PPM1L: variants seen among roughly 807,000 people sequenced by gnomAD.
PPM1L encodes the protein protein phosphatase, Mg2+/Mn2+ dependent 1L.
Under a neutral mutation model 31.4 loss-of-function variants are expected in PPM1L, and 13 were observed. The ratio of observed to expected loss-of-function variants is 0.41; its 90% CI spans 0.27 to 0.66. The LOEUF is 0.66. PPM1L is among the 30% of genes least tolerant of loss of function. The pLI is 0.29. For missense variants in PPM1L, 326 were observed against 453.7 expected (o/e 0.72, Z 2.56); for synonymous variants, 184 against 175.4 (o/e 1.05, Z -0.39).
At chr3:160,965,113 T>C (rs971949952) in intron 2 of PPM1L, among the ~76,000 whole-genome samples, 13 of 151,204 alleles carry the variant, frequency 8.6e-5, no homozygotes, top group African/African-American at 3.2e-4. Context: ...TAGCCGGGCG[T>C]GGTGGTGGGC....
At chr3:160,785,549 G>A (rs1224692928) in intron 1 of PPM1L, among the ~76,000 whole-genome samples, 1 of 152,048 alleles carries the variant, frequency 6.6e-6, no homozygotes, top group African/African-American at 2.4e-5. Flanking sequence ...TGCATCTTTT[G>A]AGCAATATTT....
Position 161,069,512 on chromosome 3 carries a change from G to A in PPM1L, c.*355G>A, listed in dbSNP as rs547695547. 1 of 258,690 alleles carries A rather than the reference G, an allele frequency of 3.9e-6. No homozygotes were observed. Among genetic ancestry groups the A allele is most frequent in the Non-Finnish European group, 7.5e-6 (1 of 133,154 alleles). 16.0% of individuals were successfully genotyped at this position (258,690 alleles called of 1,614,324 possible). Reference sequence around the variant, plus strand: ...GTTCAGGGTCCTCCAGGCATCAGCTGTTGTGTCCTCTCTTTGTAACAGTGG... The same window carrying A: ...GTTCAGGGTCCTCCAGGCATCAGCTATTGTGTCCTCTCTTTGTAACAGTGG... On this transcript the variant is annotated 3_prime_UTR_variant, in exon 4 of 4. Transcript: ENST00000498165.
At chr3:160,867,440 C>G (rs894470533) in intron 1 of PPM1L, among the ~76,000 whole-genome samples, 9 of 150,512 alleles carry the variant, frequency 6.0e-5, no homozygotes, top group African/African-American at 1.7e-4. Flanking sequence ...GGTTCTCTAA[C>G]CCCCTCCTCT....
At chr3:160,981,276 A>G (rs1053518974) in intron 2 of PPM1L, among the ~76,000 whole-genome samples, 10 of 152,204 alleles carry the variant, frequency 6.6e-5, no homozygotes, top group Non-Finnish European at 1.3e-4. Flanking sequence ...TCTCTCATGT[A>G]GTTGCATTCA....
At chr3:161,056,632 T>C (rs1043425839) in intron 2 of PPM1L, among the ~76,000 whole-genome samples, 1 of 152,104 alleles carries the variant, frequency 6.6e-6, no homozygotes, top group Non-Finnish European at 1.5e-5. Flanking sequence ...TATATTTGCA[T>C]AGTATAAGGG....
chr3:160,867,488 A>G (rs747113047), intron 1 of PPM1L, among the ~76,000 whole-genome samples: 8 of 152,028 alleles, frequency 5.3e-5, no homozygotes, highest in Non-Finnish European at 5.9e-5. Context: ...ATTAGTTATA[A>G]GTAACTTTAC....
At chr3:160,821,783 T>G (rs1713209323) in intron 1 of PPM1L, among the ~76,000 whole-genome samples, 1 of 152,044 alleles carries the variant, frequency 6.6e-6, no homozygotes, top group Non-Finnish European at 1.5e-5. Context: ...ATCCCATTAT[T>G]TTCTAGTAGA....
intron 1 of PPM1L, among the ~76,000 whole-genome samples, chr3:160,924,232 T>C (rs1198780162): frequency 7.1e-6 from 1 of 141,622 alleles, no homozygotes; most frequent in African/African-American, 2.5e-5. Flanking sequence ...AGCTTGGCTA[T>C]GGGCTGTGAG....
At chr3:160,933,965 T>C (rs1714875292) in intron 1 of PPM1L, among the ~76,000 whole-genome samples, 1 of 152,250 alleles carries the variant, frequency 6.6e-6, no homozygotes, top group Non-Finnish European at 1.5e-5. Context: ...AATTACCATA[T>C]GTCATTAATC....
At chr3:161,018,641 T>C (rs1450407436) in intron 2 of PPM1L, among the ~76,000 whole-genome samples, 2 of 152,184 alleles carry the variant, frequency 1.3e-5, no homozygotes, top group Non-Finnish European at 1.5e-5. Context: ...AGTATAAATA[T>C]TTATTATACA....
Position 160,756,752 on chromosome 3 carries a change from C to CTGTGT in PPM1L, c.399+45_399+46insTGTGT, listed in dbSNP as rs149868982. 1 of 1,015,434 alleles carries CTGTGT rather than the reference C, an allele frequency of 9.8e-7. No homozygotes were observed. The highest frequency in any genetic ancestry group is 1.4e-6 in the Non-Finnish European group (1 of 700,084). 62.9% of individuals were successfully genotyped at this position (1,015,434 alleles called of 1,614,324 possible). On this transcript the variant is annotated intron_variant, in intron 1 of 3. Transcript: ENST00000498165. The surrounding 1 kb of genome is among the most constrained non-coding windows in gnomAD (Gnocchi z 6.2). ...TTTGTATTTGTGTCCGTGTATGTCTCGTGTGTGTGTGTGTGTGTGTGTGTG... is the reference window on the plus strand; with the variant it reads ...TTTGTATTTGTGTCCGTGTATGTCTCTGTGTGTGTGTGTGTGTGTGTGTGTGTGTG...
At chr3:161,002,194 T>G (rs1469301754) in intron 2 of PPM1L, among the ~76,000 whole-genome samples, 4 of 152,230 alleles carry the variant, frequency 2.6e-5, no homozygotes, top group African/African-American at 9.6e-5. Context: ...CGCATAGTAT[T>G]CCATGGTGTA....
intron 1 of PPM1L, among the ~76,000 whole-genome samples, chr3:160,843,302 C>T (rs1198321651): frequency 2.0e-5 from 3 of 150,804 alleles, no homozygotes; most frequent in African/African-American, 4.9e-5. Flanking sequence ...TTAGAGCACG[C>T]CTGTCCAACC....
At chr3:160,972,149 C>A (rs893152015) in intron 2 of PPM1L, among the ~76,000 whole-genome samples, 2 of 152,136 alleles carry the variant, frequency 1.3e-5, no homozygotes, top group African/African-American at 4.8e-5. Context: ...ATCAGCATTG[C>A]CTGTTTGCTT....
At chr3:161,064,185 TAA>T (rs772222080) in intron 2 of PPM1L, among the ~76,000 whole-genome samples, 9 of 125,576 alleles carry the variant, frequency 7.2e-5, no homozygotes, top group Non-Finnish European at 8.7e-5. Context: ...AAAGTAAAAT[TAA>T]AAAAAAAAAA....
Position 160,826,873 on chromosome 3 carries a change from T to C in PPM1L, c.399+70166T>C, listed in dbSNP as rs145407860. ...CAGCTATAAATAGAGATCAGCTAAT[T>C]TGATGAAGAGGCTGTAGGTCTGCAG... On this transcript the variant is annotated intron_variant, in intron 1 of 3. Transcript: ENST00000498165. 2.2e-4 allele frequency among the ~76,000 whole-genome samples: 33 copies of C among 152,212 alleles called. No individual in the cohort carries two copies. The East Asian group carries it at 5.2e-3, about 24-fold the overall frequency.
Position 160,904,578 on chromosome 3 carries a change from C to T in PPM1L, c.400-57158C>T, listed in dbSNP as rs144824303. On this transcript the variant is annotated intron_variant, in intron 1 of 3. Transcript: ENST00000498165. ...TAGACTCTTGTATTGGGAAGATGAA[C>T]TCAAGCAGGTGGGCCAAATTCTTAT... 9.0e-3 allele frequency among the ~76,000 whole-genome samples: 1,366 copies of T among 152,158 alleles called. 14 individuals are homozygous for T. The highest frequency in any genetic ancestry group is 0.014 in the Middle Eastern group (4 of 294).
Position 160,793,967 on chromosome 3 carries a change from A to G in PPM1L, c.399+37260A>G, listed in dbSNP as rs545372660. 7.0e-4 allele frequency among the ~76,000 whole-genome samples: 103 copies of G among 147,482 alleles called. 1 individual carries two copies. Among genetic ancestry groups the G allele is most frequent in the Admixed American group, 6.5e-3 (98 of 15,128 alleles). ...TTGGTTGGTTTCCAAGCCAGAAACC[A>G]GAAGTCTCTGTTAGATGTTTATTTT... On this transcript the variant is annotated intron_variant, in intron 1 of 3. Transcript: ENST00000498165.
At position 160,955,156 on chromosome 3, in the gene PPM1L, A is replaced by G. The variant is rs747354397; in HGVS notation, c.400-6580A>G. Among the ~76,000 whole-genome samples the G allele has an allele frequency of 5.5e-4, 83 of 151,436 alleles. 1 individual carries two copies. Among genetic ancestry groups the G allele is most frequent in the Non-Finnish European group, 1.2e-4 (8 of 67,818 alleles). On this transcript the variant is annotated intron_variant, in intron 1 of 3. Coordinates refer to ENST00000498165, the MANE Select transcript of PPM1L (RefSeq NM_139245.4). ...CTCCCGAGTAGCTGGGACTACAGGC[A>G]TGCACCACCATGCCCAGCTAATTTT... is the stretch of plus-strand genomic sequence containing the variant.
Sources: gnomAD v4.1 joint callset for allele counts (sites outside exome capture counted in the v4.1 genomes callset) on GRCh38, gnomAD v4.1.1 for gene constraint, Gnocchi (gnomAD v3.1) non-coding constraint, MANE v1.5 for transcripts, NCBI Gene and HGNC (gene_info 2026-07-23, HGNC 2026-07-21) for gene names.